The following MRPS31 variants were observed in gnomAD, a reference collection of about 807,000 sequenced individuals.
MRPS31 encodes small ribosomal subunit protein mS31.
In MRPS31, 32 loss-of-function variants were observed where a neutral mutation model predicts 43.1. The ratio of observed to expected loss-of-function variants is 0.74; its 90% CI spans 0.56 to 1.00. MRPS31 has a LOEUF of 1.00. MRPS31 is among the 50% of genes least tolerant of loss of function. MRPS31 has a pLI of 0.00. For synonymous variants in MRPS31, 165 were observed against 161.6 expected, an observed-to-expected ratio of 1.02 and a Z score of -0.16; for missense variants, 437 against 466.7, an observed-to-expected ratio of 0.94 and a Z score of 0.59.
chr13:40,738,519 C>T (rs1344394663), intron 6 of MRPS31, among the ~76,000 whole-genome samples: 1 of 151,694 alleles, frequency 6.6e-6, no homozygotes, highest in African/African-American at 2.4e-5. Context: ...CCTTGATGAA[C>T]ATTGATGCAA....
rs78032251 is a variant in MRPS31 at position 40,730,386 on chromosome 13, G to A, written c.959-785C>T. ...AAAATACCAAAAAAATTAGCCAGGC[G>A]TGATGGCATGTGCCTGTAATCCCAG... is the stretch of plus-strand genomic sequence containing the variant. On this transcript the variant is annotated intron_variant, in intron 6 of 6. Transcript: ENST00000323563. Among the ~76,000 whole-genome samples the A allele has an allele frequency of 2.0e-3, 301 of 152,004 alleles. 4 individuals are homozygous for A. In the East Asian group the frequency reaches 0.047, roughly 24 times the overall value.
chr13:40,738,291 G>A (rs1459108737), intron 6 of MRPS31, among the ~76,000 whole-genome samples: 3 of 152,094 alleles, frequency 2.0e-5, no homozygotes, highest in Admixed American at 1.3e-4. Flanking sequence ...TTGTGGCAAT[G>A]ATCAATAGCT....
chr13:40,760,820 C>A (rs1880675559), intron 2 of MRPS31, among the ~76,000 whole-genome samples: 1 of 151,836 alleles, frequency 6.6e-6, no homozygotes, highest in Non-Finnish European at 1.5e-5. Flanking sequence ...GAGTGGGATC[C>A]AAATTAATGT....
intron 5 of MRPS31, among the ~76,000 whole-genome samples, chr13:40,751,313 C>T (rs956725405): frequency 1.3e-5 from 2 of 152,188 alleles, no homozygotes; most frequent in Non-Finnish European, 2.9e-5. Flanking sequence ...TTTACACTTG[C>T]TAATATTTGT....
At chr13:40,765,425 T>TA (rs1249906206) in intron 2 of MRPS31, among the ~76,000 whole-genome samples, 3 of 152,234 alleles carry the variant, frequency 2.0e-5, no homozygotes, top group African/African-American at 4.8e-5. Context: ...TCTGTAATCG[T>TA]TAATTCAATT....
chr13:40,735,783 A>C (rs556781739), intron 6 of MRPS31, among the ~76,000 whole-genome samples: 1 of 150,614 alleles, frequency 6.6e-6, no homozygotes, highest in East Asian at 2.0e-4. Flanking sequence ...CCATCTGTAC[A>C]TCACCATCAT....
chr13:40,763,694 G>T (rs1475048678), intron 2 of MRPS31, among the ~76,000 whole-genome samples: 1 of 152,134 alleles, frequency 6.6e-6, no homozygotes, highest in Admixed American at 6.5e-5. Flanking sequence ...CCATCAAAAG[G>T]GAGATCTATC....
chr13:40,748,747 C>T (rs1200503569), intron 6 of MRPS31, among the ~76,000 whole-genome samples: 4 of 152,102 alleles, frequency 2.6e-5, no homozygotes, highest in Non-Finnish European at 5.9e-5. Flanking sequence ...AGGACACCAG[C>T]GTGAGACTTT....
At chr13:40,743,038 G>A (rs776422745) in intron 6 of MRPS31, among the ~76,000 whole-genome samples, 1 of 152,160 alleles carries the variant, frequency 6.6e-6, no homozygotes, top group African/African-American at 2.4e-5. Flanking sequence ...TAGGCAAGGC[G>A]CAGTGACTCA....
intron 1 of MRPS31, among the ~76,000 whole-genome samples, chr13:40,769,422 T>TA (rs1880947159): frequency 3.4e-5 from 3 of 89,294 alleles, no homozygotes; most frequent in South Asian, 3.7e-4. Context: ...ATATATATAT[T>TA]ATCAAGTTCT....
chr13:40,732,212 G>C (rs771014984), intron 6 of MRPS31, among the ~76,000 whole-genome samples: 5 of 152,200 alleles, frequency 3.3e-5, no homozygotes, highest in Admixed American at 6.5e-5. Context: ...CTTAAATGAA[G>C]ACGTTCCTTC....
Position 40,756,926 on chromosome 13 carries a change from A to C in MRPS31, c.687T>G (p.Asp229Glu), listed in dbSNP as rs1463043146. 1 of 1,614,042 alleles carries C rather than the reference A, an allele frequency of 6.2e-7. No individual in the cohort carries two copies. The change falls in exon 4 of 7, where the codon GAT becomes GAG. Residue 229 changes from aspartate to glutamate, a missense_variant. By Grantham distance (45) the Asp-to-Glu change is conservative. Transcript: ENST00000323563. ...GGCCAGGATAATTGTCATAGCCTTC[A>C]TCAAACTGAATCCGAAGCTCTGGTC... is the stretch of plus-strand genomic sequence containing the variant. ...RSRPELRIQF[D>E]EGYDNYPGQE... is the part of the protein sequence containing the mutation.
chr13:40,750,811 T>C (rs1566108175), intron 5 of MRPS31, among the ~76,000 whole-genome samples: 1 of 149,008 alleles, frequency 6.7e-6, no homozygotes, highest in South Asian at 2.1e-4. Flanking sequence ...CTATTCAATA[T>C]TTTGATCATT....
chr13:40,767,002 T>G lies in MRPS31; in HGVS notation c.184A>C (p.Thr62Pro), dbSNP rs1263630118. 2 of 1,608,322 alleles carry G rather than the reference T, an allele frequency of 1.2e-6. No individual in the cohort carries two copies. The highest frequency in any genetic ancestry group is 1.7e-6 in the Non-Finnish European group (2 of 1,178,712). ...TTCTTGCTACAGATCACACTGTTAG[T>G]GCCAAAATATCTTTGGATGTTATTT... is the stretch of plus-strand genomic sequence containing the variant. ...TKNNIQRYFG[T>P]NSVICSKKDK... is the part of the protein sequence containing the mutation. The change falls in exon 2 of 7, where the codon ACT (threonine) becomes CCT (proline). Residue 62 changes from threonine to proline, a missense_variant. Thr to Pro is a conservative substitution (Grantham distance 38). Coordinates refer to ENST00000323563, the MANE Select transcript of MRPS31 (RefSeq NM_005830.4).
chr13:40,743,187 C>T (rs542046146), intron 6 of MRPS31, among the ~76,000 whole-genome samples: 2 of 152,114 alleles, frequency 1.3e-5, no homozygotes, highest in South Asian at 2.1e-4. Flanking sequence ...TGGTGGCAGG[C>T]GCCTGTCATT....
intron 6 of MRPS31, among the ~76,000 whole-genome samples, chr13:40,731,677 T>A (rs1415155694): frequency 9.2e-5 from 14 of 151,732 alleles, no homozygotes; most frequent in Admixed American, 2.6e-4. Context: ...AATCTAAGTA[T>A]ACAAATTAAA....
At chr13:40,763,766 G>A (rs1235025909) in intron 2 of MRPS31, among the ~76,000 whole-genome samples, 2 of 152,172 alleles carry the variant, frequency 1.3e-5, no homozygotes, top group African/African-American at 4.8e-5. Context: ...CAAGATAGAG[G>A]TAACACACTG....
rs1483880760 is a variant in MRPS31, at chr13:40,769,952, AGACT to A, written c.152+1029_152+1032del. Among the ~76,000 whole-genome samples, 11 of 152,350 alleles carry A rather than the reference AGACT, an allele frequency of 7.2e-5. No individual in the cohort carries two copies. In the East Asian group the frequency reaches 1.9e-3, roughly 27 times the overall value. On this transcript the variant is annotated intron_variant, in intron 1 of 6. Coordinates refer to ENST00000323563, the MANE Select transcript of MRPS31 (RefSeq NM_005830.4). The stretch of plus-strand genomic sequence containing the variant: ...ACACCACATTCAAGACTCCTCTTTC[AGACT>A]GACTTTCCATTTTTCACACTTTCTA...
At position 40,749,277 on chromosome 13, in the gene MRPS31, T is replaced by A; in HGVS notation, c.819A>T (p.Thr273=). The A allele has an allele frequency of 6.4e-7, 1 of 1,572,126 alleles. No individual in the cohort carries two copies. Among genetic ancestry groups the A allele is most frequent in the Non-Finnish European group, 8.6e-7 (1 of 1,168,322 alleles). ...AVTKEAPETD[T]SPSLWDVEFA... is the part of the protein sequence containing the mutation. ...ATTCCACATCCCAAAGTGAAGGTGA[T>A]GTGTCTACATAATAAAGACATTTTA... Residue 273 remains threonine (T), a synonymous_variant, in exon 6 of 7, where the codon ACA becomes ACT. Coordinates refer to ENST00000323563, the MANE Select transcript of MRPS31 (RefSeq NM_005830.4).
Sources: gnomAD v4.1 joint callset for allele counts (sites outside exome capture counted in the v4.1 genomes callset) on GRCh38, gnomAD v4.1.1 for gene constraint, MANE v1.5 for transcripts, NCBI Gene and HGNC (gene_info 2026-07-23, HGNC 2026-07-21) for gene names.